Variants in ALCAM observed in about 807,000 individuals in gnomAD.
The protein encoded by ALCAM is CD166 antigen.
ALCAM carries 30 observed loss-of-function variants against 70.9 expected under a neutral mutation model. The observed-to-expected ratio is 0.42, with a 90% CI of 0.32 to 0.57. The LOEUF (loss-of-function observed/expected upper bound fraction) is 0.57. ALCAM is among the 20% of genes least tolerant of loss of function. The pLI is 0.11. For missense variants in ALCAM, 591 were observed against 695.1 expected (o/e 0.85, Z 1.68); for synonymous variants, 249 against 242.5 (o/e 1.03, Z -0.25).
chr3:105,566,538 AT>A (rs577450226), intron 14 of ALCAM, among the ~76,000 whole-genome samples: 106 of 152,230 alleles, frequency 7.0e-4, no homozygotes, highest in African/African-American at 2.4e-3. Context: ...CTTCTTTTGA[AT>A]TACTTAATTA....
At chr3:105,397,146 C>G (rs544525639) in intron 1 of ALCAM, among the ~76,000 whole-genome samples, 1 of 152,120 alleles carries the variant, frequency 6.6e-6, no homozygotes, top group East Asian at 1.9e-4. Flanking sequence ...AATGATGAGG[C>G]CATTACTCTG....
intron 1 of ALCAM, among the ~76,000 whole-genome samples, chr3:105,378,183 A>G (rs963692454): frequency 2.0e-5 from 3 of 151,960 alleles, no homozygotes; most frequent in Non-Finnish European, 2.9e-5. Flanking sequence ...GAAAGTAGGA[A>G]TAAAATCTAT....
intron 14 of ALCAM, among the ~76,000 whole-genome samples, chr3:105,562,174 C>G (rs1381149965): frequency 6.6e-6 from 1 of 152,228 alleles, no homozygotes; most frequent in Non-Finnish European, 1.5e-5. Flanking sequence ...TTTAAGGGAG[C>G]AGCATAGATA....
intron 1 of ALCAM, among the ~76,000 whole-genome samples, chr3:105,472,234 C>T (rs1178741451): frequency 2.0e-5 from 3 of 151,272 alleles, no homozygotes; most frequent in Non-Finnish European, 4.4e-5. Context: ...ATGCTCATTC[C>T]TTTATGAATT....
intron 1 of ALCAM, among the ~76,000 whole-genome samples, chr3:105,400,506 A>G (rs921646193): frequency 2.6e-5 from 4 of 152,190 alleles, no homozygotes; most frequent in African/African-American, 9.6e-5. Context: ...TTATATAATG[A>G]TTTTACCACT....
In ALCAM at chr3:105,534,750, C is replaced by G. The variant is rs754693995; in HGVS notation, c.635C>G (p.Ala212Gly). The stretch of plus-strand genomic sequence containing the variant: ...ACCCTGGAGTACAAGACAACCAAGG[C>G]TGACATACAAATGCCATTCACCTGC... ...TSTLEYKTTK[A>G]DIQMPFTCSV... Residue 212 changes from alanine to glycine, a missense_variant, in exon 6 of 16, where the codon GCT becomes GGT. By Grantham distance (60) the Ala-to-Gly change is moderately conservative. Coordinates refer to ENST00000306107, the MANE Select transcript of ALCAM (RefSeq NM_001627.4). 3.7e-5 allele frequency: 59 copies of G among 1,613,798 alleles called. No homozygotes were observed. The highest frequency in any genetic ancestry group is 5.0e-5 in the Non-Finnish European group (59 of 1,179,780).
At chr3:105,515,308 A>G (rs1284000841) in intron 1 of ALCAM, among the ~76,000 whole-genome samples, 1 of 152,056 alleles carries the variant, frequency 6.6e-6, no homozygotes, top group Non-Finnish European at 1.5e-5. Context: ...TGAAGTCAGG[A>G]ATTAATCCCT....
At chr3:105,416,641 C>G (rs1024952223) in intron 1 of ALCAM, among the ~76,000 whole-genome samples, 3 of 151,898 alleles carry the variant, frequency 2.0e-5, no homozygotes, top group Non-Finnish European at 4.4e-5. Flanking sequence ...CACCATTCGA[C>G]CAATTTTTAG....
intron 14 of ALCAM, among the ~76,000 whole-genome samples, chr3:105,558,435 G>A (rs1329296693): frequency 6.6e-6 from 1 of 151,990 alleles, no homozygotes; most frequent in East Asian, 1.9e-4. Flanking sequence ...TTTTCCAAAT[G>A]ATACCAGCCA....
intron 1 of ALCAM, among the ~76,000 whole-genome samples, chr3:105,418,329 A>G (rs557940988): frequency 6.6e-6 from 1 of 151,956 alleles, no homozygotes; most frequent in South Asian, 2.1e-4. Flanking sequence ...CACATGGGGT[A>G]CTGTGTGTGT....
intron 3 of ALCAM, among the ~76,000 whole-genome samples, chr3:105,527,732 A>T (rs1470455048): frequency 6.6e-6 from 1 of 152,088 alleles, no homozygotes; most frequent in East Asian, 1.9e-4. Flanking sequence ...TCTGTGGTAC[A>T]TATGGACCAG....
At chr3:105,481,069 T>C (rs1164085875) in intron 1 of ALCAM, among the ~76,000 whole-genome samples, 2 of 152,072 alleles carry the variant, frequency 1.3e-5, no homozygotes, top group African/African-American at 4.8e-5. Flanking sequence ...GGTTTTTGTT[T>C]GGTTTTGTTT....
intron 3 of ALCAM, among the ~76,000 whole-genome samples, chr3:105,526,689 A>G (rs1435175284): frequency 1.3e-5 from 2 of 152,208 alleles, no homozygotes; most frequent in African/African-American, 2.4e-5. Context: ...TACAAAAAAC[A>G]TATAGGGGCT....
intron 3 of ALCAM, among the ~76,000 whole-genome samples, chr3:105,531,040 A>G (rs749076667): frequency 1.3e-5 from 2 of 152,084 alleles, no homozygotes; most frequent in African/African-American, 2.4e-5. Context: ...GTTTAAATAC[A>G]TTTGCTTATA....
chr3:105,506,323 TA>T (rs1939077060), intron 1 of ALCAM, among the ~76,000 whole-genome samples: 1 of 152,170 alleles, frequency 6.6e-6, no homozygotes, highest in Non-Finnish European at 1.5e-5. Flanking sequence ...AACACACACT[TA>T]TAGCATATTT....
In ALCAM at chr3:105,417,191, G is replaced by T. The variant is rs147648773; in HGVS notation, c.73+49710G>T. Among the ~76,000 whole-genome samples, 781 of 151,096 alleles carry T rather than the reference G, an allele frequency of 5.2e-3. 4 individuals carry two copies. The highest frequency in any genetic ancestry group is 8.8e-3 in the South Asian group (42 of 4,766). On this transcript the variant is annotated intron_variant, in intron 1 of 15. Transcript: ENST00000306107. Reference sequence around the variant, plus strand: ...CCTCTTCCAGGAAGGCTCTTATGTCGCCTGGGTAAACTTACTCTTCAAGTC... The same window carrying T: ...CCTCTTCCAGGAAGGCTCTTATGTCTCCTGGGTAAACTTACTCTTCAAGTC...
chr3:105,386,348 A>G (rs779644744), intron 1 of ALCAM, among the ~76,000 whole-genome samples: 1 of 151,652 alleles, frequency 6.6e-6, no homozygotes, highest in Admixed American at 6.6e-5. Flanking sequence ...TGGTTTATGC[A>G]TGGGCCAACT....
At chr3:105,510,637 G>GCA (rs563437701) in intron 1 of ALCAM, among the ~76,000 whole-genome samples, 224 of 152,186 alleles carry the variant, frequency 1.5e-3, no homozygotes, top group South Asian at 6.2e-3. Context: ...CCATCTGAGA[G>GCA]CAGGCACATT....
chr3:105,543,730 G>T (rs1323102284), intron 8 of ALCAM, among the ~76,000 whole-genome samples: 1 of 151,582 alleles, frequency 6.6e-6, no homozygotes, highest in Non-Finnish European at 1.5e-5. Context: ...CTGTAAAATT[G>T]TTTATCTCCT....
Sources: gnomAD v4.1 joint callset for allele counts (sites outside exome capture counted in the v4.1 genomes callset) on GRCh38, gnomAD v4.1.1 for gene constraint, MANE v1.5 for transcripts, NCBI Gene and HGNC (gene_info 2026-07-23, HGNC 2026-07-21) for gene names.